The following AGBL1 variants were observed in gnomAD, a reference collection of about 807,000 sequenced individuals.
The protein encoded by AGBL1 is AGBL carboxypeptidase 1.
AGBL1 carries 130 observed loss-of-function variants against 118.9 expected under a neutral mutation model. The observed-to-expected ratio is 1.09, with a 90% confidence interval of 0.95 to 1.26. AGBL1 has a LOEUF of 1.26. Among genes scored for constraint, AGBL1 ranks in the 50% most tolerant of loss-of-function variants. AGBL1 has a pLI of 0.00. For missense variants in AGBL1, 1,584 were observed against 1,298.1 expected (o/e 1.22, Z -3.38); for synonymous variants, 555 against 478.9 (o/e 1.16, Z -2.08).
chr15:86,824,603 A>G (rs2078982714), intron 22 of AGBL1, among the ~76,000 whole-genome samples: 1 of 152,156 alleles, frequency 6.6e-6, no homozygotes, highest in African/African-American at 2.4e-5. Flanking sequence ...TTTATATGAA[A>G]AGATACATAT....
chr15:86,741,374 G>C (rs1268451457), intron 22 of AGBL1, among the ~76,000 whole-genome samples: 1 of 20,314 alleles, frequency 4.9e-5, no homozygotes, highest in African/African-American at 1.8e-4. Flanking sequence ...AGTGGTCTAA[G>C]GCAAAGCAAA....
intron 18 of AGBL1, among the ~76,000 whole-genome samples, chr15:86,514,337 A>C (rs989533553): frequency 1.3e-5 from 2 of 152,126 alleles, no homozygotes; most frequent in African/African-American, 4.8e-5. Flanking sequence ...CAATCCTAGA[A>C]TACACATAAA....
In AGBL1 at chr15:86,269,911, A is replaced by G. The variant is rs1376588709; in HGVS notation, c.1839-8A>G. 6.2e-7 allele frequency: 1 copy of G among 1,613,394 alleles called. No individual in the cohort carries two copies. The highest frequency in any genetic ancestry group is 1.1e-5 in the South Asian group (1 of 90,972). ...AGATAACCCTCCAGTCTTGCTTCTGATCTGCAGGTTCGAGTATGACTTGCT... is the reference window on the plus strand; with the variant it reads ...AGATAACCCTCCAGTCTTGCTTCTGGTCTGCAGGTTCGAGTATGACTTGCT... On this transcript the variant is annotated splice_polypyrimidine_tract_variant and splice_region_variant and intron_variant, in intron 13 of 22. Coordinates refer to ENST00000614907, the MANE Select transcript of AGBL1 (RefSeq NM_001386094.1).
At chr15:86,687,068 A>G (rs572279624) in intron 22 of AGBL1, among the ~76,000 whole-genome samples, 20 of 152,280 alleles carry the variant, frequency 1.3e-4, no homozygotes, top group Admixed American at 2.6e-4. Context: ...TTGTCAGGAA[A>G]ACAAGCTGCT....
At chr15:87,013,334 A>T (rs1186410563) in intron 24 of AGBL1, among the ~76,000 whole-genome samples, 3 of 152,142 alleles carry the variant, frequency 2.0e-5, no homozygotes, top group Admixed American at 6.6e-5. Context: ...TGAATTTTCC[A>T]TTGGCATTGA....
chr15:86,479,834 C>T (rs1278015964), intron 18 of AGBL1, among the ~76,000 whole-genome samples: 4 of 152,064 alleles, frequency 2.6e-5, no homozygotes, highest in African/African-American at 9.7e-5. Flanking sequence ...TGGAACCAAC[C>T]CAAATGTCCA....
intron 14 of AGBL1, among the ~76,000 whole-genome samples, chr15:86,271,043 ATTTTTT>A (rs58166692): frequency 1.1e-5 from 1 of 89,062 alleles, no homozygotes; most frequent in African/African-American, 4.8e-5. Flanking sequence ...GTCACGTTGC[ATTTTTT>A]TTTTTTTTTT....
intron 5 of AGBL1, among the ~76,000 whole-genome samples, chr15:86,209,416 T>C (rs909324165): frequency 6.6e-6 from 1 of 152,126 alleles, no homozygotes; most frequent in African/African-American, 2.4e-5. Context: ...GACAGTGGAG[T>C]GTTAAAGTCT....
In AGBL1 at chr15:86,556,139, A is replaced by G. The variant is rs73459654; in HGVS notation, c.2994+1602A>G. On this transcript the variant is annotated intron_variant, in intron 21 of 22. Transcript: ENST00000614907. ...GTATCAGTGCCATTCACAATAAATCAGCTGGAAACTCAAAGTTCTCTGGAG... is the reference window on the plus strand; with the variant it reads ...GTATCAGTGCCATTCACAATAAATCGGCTGGAAACTCAAAGTTCTCTGGAG... 5,417 of 1,142,874 alleles carry G rather than the reference A, an allele frequency of 4.7e-3. 200 individuals carry two copies. The African/African-American group carries it at 0.074, about 16-fold the overall frequency. 70.8% of individuals were successfully genotyped at this position (1,142,874 alleles called of 1,614,324 possible).
intron 13 of AGBL1, among the ~76,000 whole-genome samples, chr15:86,268,802 C>T (rs2079112643): frequency 6.6e-6 from 1 of 152,130 alleles, no homozygotes; most frequent in Admixed American, 6.5e-5. Context: ...GATAGCTCTA[C>T]TCTGCTCTCA....
intron 22 of AGBL1, among the ~76,000 whole-genome samples, chr15:86,813,500 C>T (rs2078820501): frequency 6.6e-6 from 1 of 152,158 alleles, no homozygotes; most frequent in South Asian, 2.1e-4. Flanking sequence ...TTCCTGTCTT[C>T]CAAAGCAGAA....
chr15:86,331,704 C>T (rs1414640577), intron 17 of AGBL1, among the ~76,000 whole-genome samples: 1 of 152,204 alleles, frequency 6.6e-6, no homozygotes, highest in Admixed American at 6.5e-5. Flanking sequence ...AACTAAACTT[C>T]ATAAGCAAAG....
intron 22 of AGBL1, among the ~76,000 whole-genome samples, chr15:86,675,933 A>C (rs1156883663): frequency 1.3e-5 from 2 of 152,218 alleles, no homozygotes; most frequent in African/African-American, 4.8e-5. Context: ...TCTATCAAAG[A>C]AATGCCTTTT....
At chr15:86,724,235 C>CAAA (rs1204898095) in intron 22 of AGBL1, among the ~76,000 whole-genome samples, 28,124 of 73,664 alleles carry the variant, frequency 0.38, 6,533 homozygotes, top group Middle Eastern at 0.55. Flanking sequence ...GACTCCATCT[C>CAAA]AAAAAAAAAA....
At chr15:86,430,279 G>A (rs1199978931) in intron 18 of AGBL1, among the ~76,000 whole-genome samples, 8 of 151,948 alleles carry the variant, frequency 5.3e-5, no homozygotes, top group African/African-American at 1.7e-4. Context: ...GGTGGATCAC[G>A]AGGTCAGGAG....
intron 22 of AGBL1, among the ~76,000 whole-genome samples, chr15:86,701,340 T>C (rs1441101832): frequency 6.6e-6 from 1 of 152,042 alleles, no homozygotes; most frequent in African/African-American, 2.4e-5. Flanking sequence ...ATATGGGGAC[T>C]CTGGTTGTGT....
chr15:86,552,132 A>G (rs1308864799), intron 20 of AGBL1, among the ~76,000 whole-genome samples: 1 of 152,160 alleles, frequency 6.6e-6, no homozygotes, highest in Non-Finnish European at 1.5e-5. Flanking sequence ...CATGTAAACT[A>G]TAGACTTTGA....
intron 22 of AGBL1, among the ~76,000 whole-genome samples, chr15:86,748,212 C>T (rs1385602520): frequency 2.0e-5 from 3 of 152,146 alleles, no homozygotes; most frequent in East Asian, 1.9e-4. Context: ...TTTTGATTTG[C>T]ATTTCTCTGA....
At chr15:86,983,597 G>T (rs1053406319) in intron 23 of AGBL1, among the ~76,000 whole-genome samples, 2 of 152,036 alleles carry the variant, frequency 1.3e-5, no homozygotes, top group Non-Finnish European at 2.9e-5. Context: ...TTAAGTATAT[G>T]GTTTGATATC....
Sources: gnomAD v4.1 joint callset for allele counts (sites outside exome capture counted in the v4.1 genomes callset) on GRCh38, gnomAD v4.1.1 for gene constraint, MANE v1.5 for transcripts, NCBI Gene and HGNC (gene_info 2026-07-23, HGNC 2026-07-21) for gene names.